The following BNC2 variants were observed in gnomAD, a reference collection of about 807,000 sequenced individuals.
BNC2 encodes basonuclin zinc finger protein 2, also known as zinc finger protein basonuclin-2.
In BNC2, 20 loss-of-function variants were observed where a neutral mutation model predicts 76.3. That is an observed-to-expected ratio of 0.26 (90% CI 0.18 to 0.38). BNC2 has a LOEUF of 0.38. Among genes scored for constraint, BNC2 ranks in the 10% least tolerant of loss-of-function variants. The probability of loss-of-function intolerance (pLI) is 1.00; values close to 1 mark genes in which losing one functional copy is unlikely to be tolerated. For missense variants in BNC2, 1,382 were observed against 1,399.8 expected, an observed-to-expected ratio of 0.99 and a Z score of 0.20; for synonymous variants, 582 against 514.8, an observed-to-expected ratio of 1.13 and a Z score of -1.77.
At chr9:16,649,187 C>T (rs1295596344) in intron 3 of BNC2, among the ~76,000 whole-genome samples, 3 of 152,174 alleles carry the variant, frequency 2.0e-5, no homozygotes, top group South Asian at 2.1e-4. Flanking sequence ...TCTTCCAGGA[C>T]GGACTCACGG....
chr9:16,420,339 CTAA>C (rs909751277), intron 6 of BNC2, among the ~76,000 whole-genome samples: 1 of 152,058 alleles, frequency 6.6e-6, no homozygotes, highest in African/African-American at 2.4e-5. Context: ...CCAGTTAAAT[CTAA>C]TAATAAAATA....
intron 1 of BNC2, among the ~76,000 whole-genome samples, chr9:16,861,181 A>AATAC (rs1554752615): frequency 7.6e-6 from 1 of 131,698 alleles, no homozygotes; most frequent in African/African-American, 3.1e-5. Flanking sequence ...ATCTCTACAA[A>AATAC]ATATATATAT....
chr9:16,861,728 G>A (rs557556115), intron 1 of BNC2, among the ~76,000 whole-genome samples: 2 of 152,172 alleles, frequency 1.3e-5, no homozygotes, highest in African/African-American at 4.8e-5. Flanking sequence ...GGTGGCTCAC[G>A]CCTGAAATCC....
chr9:16,500,467 C>G (rs1822494881), intron 5 of BNC2, among the ~76,000 whole-genome samples: 1 of 151,920 alleles, frequency 6.6e-6, no homozygotes, highest in Non-Finnish European at 1.5e-5. Context: ...GTTCCAAACC[C>G]AAAACACATA....
intron 5 of BNC2, among the ~76,000 whole-genome samples, chr9:16,463,817 G>T (rs930448235): frequency 6.6e-6 from 1 of 151,778 alleles, no homozygotes; most frequent in Non-Finnish European, 1.5e-5. Context: ...AGCACTTTGG[G>T]AGGCCCGGTG....
At chr9:16,854,262 T>C (rs566121773) in intron 1 of BNC2, among the ~76,000 whole-genome samples, 3 of 152,338 alleles carry the variant, frequency 2.0e-5, no homozygotes, top group Non-Finnish European at 2.9e-5. Flanking sequence ...GGTACAGCTT[T>C]AACTTTCTGG....
intron 4 of BNC2, among the ~76,000 whole-genome samples, chr9:16,581,660 C>T (rs1819632257): frequency 6.6e-6 from 1 of 152,256 alleles, no homozygotes; most frequent in Non-Finnish European, 1.5e-5. Context: ...TCTAAGCCAC[C>T]CAGCCTGTGG....
intron 3 of BNC2, among the ~76,000 whole-genome samples, chr9:16,718,601 T>G (rs758728411): frequency 4.6e-5 from 7 of 152,176 alleles, no homozygotes; most frequent in Non-Finnish European, 8.8e-5. Context: ...GTCTCCCACT[T>G]GCTGAAAATG....
chr9:16,766,928 A>C (rs1227611257), intron 1 of BNC2, among the ~76,000 whole-genome samples: 2 of 152,378 alleles, frequency 1.3e-5, no homozygotes, highest in East Asian at 3.9e-4. Context: ...AAGATGAACC[A>C]AAGAGAGGAA....
chr9:16,433,125 C>T (rs900744941), intron 6 of BNC2, among the ~76,000 whole-genome samples: 1 of 152,132 alleles, frequency 6.6e-6, no homozygotes, highest in Non-Finnish European at 1.5e-5. Flanking sequence ...AAACTCATAA[C>T]ATTATATTAA....
At chr9:16,772,554 G>A (rs970526262) in intron 1 of BNC2, among the ~76,000 whole-genome samples, 53 of 151,984 alleles carry the variant, frequency 3.5e-4, no homozygotes, top group African/African-American at 1.3e-3. Flanking sequence ...GATACTATAT[G>A]AAGTTGGCTA....
intron 1 of BNC2, among the ~76,000 whole-genome samples, chr9:16,818,435 G>C (rs1412729136): frequency 6.6e-6 from 1 of 152,118 alleles, no homozygotes; most frequent in Non-Finnish European, 1.5e-5. Context: ...ACGAAGGGAA[G>C]GGAGAGAGAA....
At chr9:16,478,320 G>C (rs1328949481) in intron 5 of BNC2, among the ~76,000 whole-genome samples, 2 of 152,138 alleles carry the variant, frequency 1.3e-5, no homozygotes, top group Admixed American at 1.3e-4. Context: ...CTGGTCATGA[G>C]TGGTGATCAC....
chr9:16,821,189 C>T (rs568147417), intron 1 of BNC2, among the ~76,000 whole-genome samples: 12 of 149,558 alleles, frequency 8.0e-5, no homozygotes, highest in Admixed American at 2.7e-4. Context: ...GCCAAGATCA[C>T]GCCATTGCAA....
intron 3 of BNC2, among the ~76,000 whole-genome samples, chr9:16,677,869 C>T (rs549896253): frequency 6.9e-4 from 105 of 152,170 alleles, no homozygotes; most frequent in South Asian, 1.9e-3. Context: ...TCAAAAAATT[C>T]GCCAATGGTC....
At chr9:16,639,292 GA>G (rs1310650907) in intron 3 of BNC2, among the ~76,000 whole-genome samples, 2 of 151,994 alleles carry the variant, frequency 1.3e-5, no homozygotes, top group African/African-American at 2.4e-5. Context: ...TTAAGCAATG[GA>G]AAAAATCTGG....
intron 3 of BNC2, among the ~76,000 whole-genome samples, chr9:16,587,770 A>C (rs569606408): frequency 6.6e-4 from 101 of 152,078 alleles, no homozygotes; most frequent in Non-Finnish European, 1.1e-3. Flanking sequence ...CGTGCTCTCT[A>C]GCTTCCCTCC....
intron 1 of BNC2, among the ~76,000 whole-genome samples, chr9:16,788,485 G>A (rs751349877): frequency 2.5e-4 from 38 of 151,330 alleles, no homozygotes; most frequent in Non-Finnish European, 4.0e-4. Flanking sequence ...CCCAGGAGGC[G>A]GAGCTTGCAG....
intron 1 of BNC2, among the ~76,000 whole-genome samples, chr9:16,845,271 G>A (rs1818941544): frequency 6.6e-6 from 1 of 152,032 alleles, no homozygotes; most frequent in Non-Finnish European, 1.5e-5. Flanking sequence ...AGAGAAATGG[G>A]CATTTTTTTA....
Sources: gnomAD v4.1 joint callset for allele counts (sites outside exome capture counted in the v4.1 genomes callset) on GRCh38, gnomAD v4.1.1 for gene constraint, MANE v1.5 for transcripts, NCBI Gene and HGNC (gene_info 2026-07-23, HGNC 2026-07-21) for gene names.